Variants in CCNL1 observed in about 807,000 individuals in gnomAD.
The protein encoded by CCNL1 is cyclin-L1.
A neutral mutation model predicts 60.6 loss-of-function variants in CCNL1; 13 were observed. That is an observed-to-expected ratio of 0.21 (90% CI 0.14 to 0.34). The LOEUF is 0.34. Among genes scored for constraint, CCNL1 ranks in the 10% least tolerant of loss-of-function variants. The pLI is 1.00. For synonymous variants in CCNL1, 270 were observed against 244.3 expected (o/e 1.10, Z -0.98); for missense variants, 481 against 664.3 (o/e 0.72, Z 3.03).
At chr3:157,150,826 T>TA in intron 5 of CCNL1, 1 of 988,120 alleles carries the variant, frequency 1.0e-6, no homozygotes, top group Non-Finnish European at 1.2e-6. Flanking sequence ...AAAATACCGT[T>TA]AACAGGGGTA....
chr3:157,146,627 A>G (rs1253605043), downstream of CCNL1: 1 of 367,524 alleles, frequency 2.7e-6, no homozygotes, highest in South Asian at 2.0e-5. Flanking sequence ...AAAAAAAAAA[A>G]GTTAAAAAAA....
At chr3:157,146,762 T>C (rs6783595), downstream of CCNL1, among the ~76,000 whole-genome samples, 1 of 151,984 alleles carries the variant, frequency 6.6e-6, no homozygotes, top group Non-Finnish European at 1.5e-5. Context: ...CAGAAATATC[T>C]ATTTATAATT....
chr3:157,159,275 C>A (rs1396067719), intron 2 of CCNL1, 130 bp downstream of exon 2: 1 of 787,068 alleles, frequency 1.3e-6, no homozygotes, highest in Non-Finnish European at 2.1e-6. Flanking sequence ...CACTTCCTGG[C>A]GAGTGAGAAG....
intron 5 of CCNL1, chr3:157,151,358 C>T: frequency 1.0e-6 from 1 of 985,832 alleles, no homozygotes; most frequent in Non-Finnish European, 1.2e-6. Flanking sequence ...TTGGCTTGAC[C>T]TTTAAATAAG....
intron 3 of CCNL1, among the ~76,000 whole-genome samples, chr3:157,157,302 T>G (rs1577078735): frequency 2.0e-5 from 3 of 152,318 alleles, no homozygotes; most frequent in African/African-American, 7.2e-5. Flanking sequence ...AAAACAAAGT[T>G]ACATCAGACA....
At chr3:157,152,803 C>T in intron 4 of CCNL1, 2 of 1,244,828 alleles carry the variant, frequency 1.6e-6, no homozygotes, top group Non-Finnish European at 1.0e-6. Flanking sequence ...ACAAAAATAA[C>T]TTCTCTATGA....
intron 4 of CCNL1, chr3:157,152,657 C>T: frequency 1.9e-6 from 2 of 1,072,782 alleles, no homozygotes; most frequent in Non-Finnish European, 2.3e-6. Flanking sequence ...TAACAGTGAG[C>T]AGCCAACACA....
rs538044121 is a variant in CCNL1, at chr3:157,153,211, T to C, written c.489-55A>G. On this transcript the variant is annotated intron_variant, in intron 3 of 10. Coordinates refer to ENST00000295926, the MANE Select transcript of CCNL1 (RefSeq NM_020307.4). ...TGTTTTGCACATCCAAAAAATTTTA[T>C]TTGTGGCATCTCCATTTTCCCTTCC... 15 of 1,567,770 alleles carry C rather than the reference T, an allele frequency of 9.6e-6. No homozygotes were observed. The South Asian group carries it at 1.7e-4, about 18-fold the overall frequency.
At chr3:157,159,028 A>G in intron 2 of CCNL1, 53 bp from the exon 3 acceptor site, 2 of 1,228,426 alleles carry the variant, frequency 1.6e-6, no homozygotes, top group Non-Finnish European at 2.4e-6. Flanking sequence ...CTCACTTTGA[A>G]GAATAAAATT....
intron 4 of CCNL1, chr3:157,152,833 G>A: frequency 1.5e-6 from 2 of 1,319,688 alleles, no homozygotes; most frequent in South Asian, 3.7e-5. Flanking sequence ...TAAGATTTAA[G>A]ATTTGAACCT....
intron 1 of CCNL1, 48 bp downstream of exon 1, chr3:157,159,744 G>A (rs1560204101): frequency 7.0e-7 from 1 of 1,433,638 alleles, no homozygotes; most frequent in Non-Finnish European, 9.4e-7. Flanking sequence ...CGTAGGGGAC[G>A]GAGGAGAGGA....
At chr3:157,155,675 A>T (rs1738562975) in intron 3 of CCNL1, among the ~76,000 whole-genome samples, 1 of 152,178 alleles carries the variant, frequency 6.6e-6, no homozygotes, top group African/African-American at 2.4e-5. Flanking sequence ...AAATTTAAAA[A>T]ATATATCTCC....
At chr3:157,146,130 G>T, downstream of CCNL1, among the ~76,000 whole-genome samples, 2 of 152,172 alleles carry the variant, frequency 1.3e-5, no homozygotes, top group East Asian at 3.8e-4. Flanking sequence ...AGGTGGAGTG[G>T]TGAACTGGTG....
intron 5 of CCNL1, chr3:157,151,186 T>G: frequency 1.0e-6 from 1 of 984,928 alleles, no homozygotes; most frequent in Middle Eastern, 5.2e-4. Context: ...ATAAAAATAA[T>G]GAGACTTTTC....
chr3:157,159,125 T>C (rs1738855778), intron 2 of CCNL1, 150 bp from the exon 3 acceptor site: 2 of 638,280 alleles, frequency 3.1e-6, no homozygotes, highest in Non-Finnish European at 5.4e-6. Flanking sequence ...ACTATACTTT[T>C]TGTTGTTTAA....
rs371314438 is a variant in CCNL1 at position 157,148,198 on chromosome 3, T to C, written c.*43A>G. The C allele has an allele frequency of 2.7e-5, 43 of 1,581,266 alleles. No homozygotes were observed. The highest frequency in any genetic ancestry group is 3.3e-5 in the Non-Finnish European group (39 of 1,164,920). ...TTGAGTCCATACATCACACTGTAGA[T>C]AGGCAAAACCAAGAACTGATGCAGG... On this transcript the variant is annotated 3_prime_UTR_variant, in exon 11 of 11. Transcript: ENST00000295926.
chr3:157,159,124 TTTG>T, intron 2 of CCNL1, 149 bp from the exon 3 acceptor site: 1 of 637,430 alleles, frequency 1.6e-6, no homozygotes. Context: ...TACTATACTT[TTTG>T]TTGTTTAACT....
At chr3:157,154,495 C>T (rs1403937840) in intron 3 of CCNL1, 3 of 152,148 alleles carry the variant, frequency 2.0e-5, no homozygotes, top group Non-Finnish European at 2.9e-5. Flanking sequence ...CTCTCTACCC[C>T]AATGCACACC....
downstream of CCNL1, among the ~76,000 whole-genome samples, chr3:157,143,346 C>T (rs949870810): frequency 1.3e-5 from 2 of 152,176 alleles, no homozygotes; most frequent in African/African-American, 4.8e-5. Context: ...CTCTTTGTAA[C>T]AGGTACAGAT....
Sources: allele counts gnomAD v4.1 joint callset (sites outside exome capture counted in the v4.1 genomes callset), GRCh38; gene constraint gnomAD v4.1.1; transcripts MANE v1.5; gene names NCBI Gene and HGNC (gene_info 2026-07-23, HGNC 2026-07-21).